Variants in MTMR2 observed in about 807,000 individuals in gnomAD.
MTMR2 encodes the protein myotubularin related protein 2.
In MTMR2, 55 loss-of-function variants were observed where a neutral mutation model predicts 86.9. That is an observed-to-expected ratio of 0.63 (90% CI 0.51 to 0.79). The LOEUF is 0.79. Ranked by LOEUF, MTMR2 falls within the 30% of genes least tolerant of loss-of-function variation. MTMR2 has a pLI of 0.00. For synonymous variants in MTMR2, 241 were observed against 266.8 expected (o/e 0.90, Z 0.94); for missense variants, 659 against 772.3 (o/e 0.85, Z 1.74).
Position 95,836,135 on chromosome 11 carries a change from G to GT in MTMR2, c.1770+12dup. Reference sequence around the variant, plus strand: ...TGAATGAAAACTCCCATTGTATATTGTAAGGCACATACCTGTGGTTTCATC... The same window carrying GT: ...TGAATGAAAACTCCCATTGTATATTGTTAAGGCACATACCTGTGGTTTCATC... On this transcript the variant is annotated intron_variant, in intron 14 of 14. Transcript: ENST00000346299. 1.3e-6 allele frequency: 2 copies of GT among 1,590,996 alleles called. No individual in the cohort carries two copies. Among genetic ancestry groups the GT allele is most frequent in the Non-Finnish European group, 1.7e-6 (2 of 1,161,536 alleles).
At chr11:95,895,052 C>T (rs1031215399) in intron 1 of MTMR2, among the ~76,000 whole-genome samples, 1 of 151,674 alleles carries the variant, frequency 6.6e-6, no homozygotes, top group Admixed American at 6.6e-5. Flanking sequence ...ATATACAAAA[C>T]ATTGGGTTAT....
At position 95,889,147 on chromosome 11, in the gene MTMR2, T is replaced by C. The variant is rs77514882; in HGVS notation, c.81-886A>G. Among the ~76,000 whole-genome samples the C allele has an allele frequency of 1.3e-3, 196 of 151,978 alleles. 1 individual carries two copies. The highest frequency in any genetic ancestry group is 4.3e-3 in the African/African-American group (177 of 41,488). Reference sequence around the variant, plus strand: ...TTCCTATAGAACTTTTTTTTTTTTTTTCTGAGACAGAGTTTCACTCTTGTC... The same window carrying C: ...TTCCTATAGAACTTTTTTTTTTTTTCTCTGAGACAGAGTTTCACTCTTGTC... On this transcript the variant is annotated intron_variant, in intron 1 of 14. Coordinates refer to ENST00000346299, the MANE Select transcript of MTMR2 (RefSeq NM_016156.6).
chr11:95,902,019 A>C (rs1446688256), intron 1 of MTMR2, among the ~76,000 whole-genome samples: 1 of 152,160 alleles, frequency 6.6e-6, no homozygotes, highest in Non-Finnish European at 1.5e-5. Flanking sequence ...TCTGATAGTA[A>C]ATGAAGATAA....
chr11:95,922,742 C>G (rs1866974761), intron 1 of MTMR2, among the ~76,000 whole-genome samples: 1 of 152,150 alleles, frequency 6.6e-6, no homozygotes, highest in African/African-American at 2.4e-5. Context: ...GTGCAGGGAG[C>G]TATGAGTGCA....
At chr11:95,841,410 C>T (rs1178171955) in intron 12 of MTMR2, among the ~76,000 whole-genome samples, 2 of 152,120 alleles carry the variant, frequency 1.3e-5, no homozygotes, top group Non-Finnish European at 2.9e-5. Flanking sequence ...ATCAATGCTA[C>T]TCACTGAAAT....
Position 95,924,100 on chromosome 11 carries a change from C to T in MTMR2, c.-146G>A, listed in dbSNP as rs1236035831. ...GAGACCGGAAGCGGCCATGTTCCCCCAGAGTGCACCGCGCCTGTAGGCTGC... is the reference window on the plus strand; with the variant it reads ...GAGACCGGAAGCGGCCATGTTCCCCTAGAGTGCACCGCGCCTGTAGGCTGC... On this transcript the variant is annotated 5_prime_UTR_variant, in exon 1 of 15. Transcript: ENST00000346299. 6 of 1,005,414 alleles carry T rather than the reference C, an allele frequency of 6.0e-6. No individual in the cohort carries two copies. The highest frequency in any genetic ancestry group is 1.6e-5 in the African/African-American group (1 of 63,116). The allele number at this position is 1,005,414 out of a possible 1,614,324, so 62.3% of individuals were successfully genotyped here. A position where few individuals can be genotyped will look rare whatever the true frequency, so the allele number is the denominator to read the frequency against.
At chr11:95,883,890 AC>A (rs2135538368) in intron 2 of MTMR2, among the ~76,000 whole-genome samples, 1 of 152,240 alleles carries the variant, frequency 6.6e-6, no homozygotes, top group African/African-American at 2.4e-5. Flanking sequence ...ACACAATTTA[AC>A]CTTTTTAATG....
chr11:95,880,617 TG>T (rs1382785330), intron 2 of MTMR2, among the ~76,000 whole-genome samples: 2 of 152,086 alleles, frequency 1.3e-5, no homozygotes, highest in Non-Finnish European at 2.9e-5. Context: ...TGTTTTGATC[TG>T]ATGAATGTGA....
chr11:95,888,123 T>C (rs751570585), intron 2 of MTMR2, 33 bp downstream of exon 2: 6 of 1,449,542 alleles, frequency 4.1e-6, no homozygotes, highest in East Asian at 2.3e-5. Flanking sequence ...TAACAGAAAG[T>C]ACTTCATCAG....
chr11:95,910,540 C>T (rs184815263), intron 1 of MTMR2, among the ~76,000 whole-genome samples: 88 of 152,058 alleles, frequency 5.8e-4, no homozygotes, highest in African/African-American at 2.0e-3. Flanking sequence ...AAACAAATGC[C>T]TCTAGAAGAT....
At chr11:95,898,936 C>T (rs999548323) in intron 1 of MTMR2, among the ~76,000 whole-genome samples, 1 of 152,112 alleles carries the variant, frequency 6.6e-6, no homozygotes, top group African/African-American at 2.4e-5. Context: ...GAAGGCAGAT[C>T]ACTTTTATTG....
intron 1 of MTMR2, among the ~76,000 whole-genome samples, chr11:95,895,236 T>C (rs1346478617): frequency 6.6e-6 from 1 of 151,858 alleles, no homozygotes; most frequent in Non-Finnish European, 1.5e-5. Flanking sequence ...GTTGAACCAT[T>C]TGAAATTGCT....
chr11:95,895,860 ATGTACATGAATG>A (rs1465143725), intron 1 of MTMR2, among the ~76,000 whole-genome samples: 3 of 152,180 alleles, frequency 2.0e-5, no homozygotes, highest in Non-Finnish European at 4.4e-5. Flanking sequence ...GTACATGAAT[ATGTACATGAATG>A]TTCATAGCAG....
intron 2 of MTMR2, among the ~76,000 whole-genome samples, chr11:95,878,396 G>A (rs112943196): frequency 0.031 from 4,711 of 151,612 alleles, 130 homozygotes; most frequent in South Asian, 0.073. Context: ...GTCAAAACCC[G>A]CAGAATGTAC....
chr11:95,845,636 A>G (rs1863754773), intron 10 of MTMR2, among the ~76,000 whole-genome samples: 2 of 152,144 alleles, frequency 1.3e-5, no homozygotes, highest in Admixed American at 1.3e-4. Flanking sequence ...TGTTTTGACT[A>G]AAGATTTTTA....
chr11:95,835,255 G>A lies in MTMR2; in HGVS notation c.*35C>T. 2 of 1,607,410 alleles carry A rather than the reference G, an allele frequency of 1.2e-6. No homozygotes were observed. Among genetic ancestry groups the A allele is most frequent in the African/African-American group, 1.3e-5 (1 of 74,866 alleles). On this transcript the variant is annotated 3_prime_UTR_variant, in exon 15 of 15. Coordinates refer to ENST00000346299, the MANE Select transcript of MTMR2 (RefSeq NM_016156.6). ...CATAGAGCTGCCAGTGTAATCAAGAGTGTATAGCAATGATGCCCCTGATCT... is the reference window on the plus strand; with the variant it reads ...CATAGAGCTGCCAGTGTAATCAAGAATGTATAGCAATGATGCCCCTGATCT...
rs193196848 is a variant in MTMR2 at position 95,900,547 on chromosome 11, C to T, written c.81-12286G>A. Among the ~76,000 whole-genome samples the T allele has an allele frequency of 5.1e-4, 77 of 152,102 alleles. 1 individual carries two copies. Among genetic ancestry groups the T allele is most frequent in the Middle Eastern group, 3.2e-3 (1 of 316 alleles). On this transcript the variant is annotated intron_variant, in intron 1 of 14. Coordinates refer to ENST00000346299, the MANE Select transcript of MTMR2 (RefSeq NM_016156.6). ...ATGAAAAAGTTAAGGTATGGAGGCACGGACTGCCTCAACTTCTTGCCCTTC... is the reference window on the plus strand; with the variant it reads ...ATGAAAAAGTTAAGGTATGGAGGCATGGACTGCCTCAACTTCTTGCCCTTC...
At position 95,849,855 on chromosome 11, in the gene MTMR2, G is replaced by C; in HGVS notation, c.812C>G (p.Ser271Ter). ...FRSRGRIPVL[S>*]WIHPESQATI... ...GGCTTGACTTTCAGGATGAATCCATGATAAAACCTTAATGAGGAAAAAATG... is the reference window on the plus strand; with the variant it reads ...GGCTTGACTTTCAGGATGAATCCATCATAAAACCTTAATGAGGAAAAAATG... Residue 271 changes from serine to a stop codon, truncating the protein, a stop_gained, in exon 9 of 15, where the codon TCA (serine) becomes TGA (stop). Coordinates refer to ENST00000346299, the MANE Select transcript of MTMR2 (RefSeq NM_016156.6). LOFTEE classifies it high-confidence loss of function. The C allele has an allele frequency of 6.2e-7, 1 of 1,613,924 alleles. No individual in the cohort carries two copies. Among genetic ancestry groups the C allele is most frequent in the Non-Finnish European group, 8.5e-7 (1 of 1,179,862 alleles).
chr11:95,847,071 G>C (rs1001954586), intron 10 of MTMR2, among the ~76,000 whole-genome samples: 1 of 152,090 alleles, frequency 6.6e-6, no homozygotes. Flanking sequence ...GACCATATCT[G>C]AAAATATAAC....
Sources: allele counts gnomAD v4.1 joint callset (sites outside exome capture counted in the v4.1 genomes callset), GRCh38; gene constraint gnomAD v4.1.1; transcripts MANE v1.5; gene names NCBI Gene and HGNC (gene_info 2026-07-23, HGNC 2026-07-21).